The following SHOC1 variants were observed in gnomAD, a reference collection of about 807,000 sequenced individuals.
SHOC1 encodes shortage in chiasmata 1.
SHOC1 carries 136 observed loss-of-function variants against 179.2 expected under a neutral mutation model. The observed-to-expected ratio is 0.76, with a 90% CI of 0.66 to 0.87. The LOEUF (loss-of-function observed/expected upper bound fraction) is 0.87. SHOC1 is among the 40% of genes least tolerant of loss of function. The pLI, the probability that SHOC1 is intolerant of heterozygous loss-of-function variation, is 0.00. For missense variants in SHOC1, 1,538 were observed against 1,700.8 expected (o/e 0.90, Z 1.68); for synonymous variants, 489 against 586.6 (o/e 0.83, Z 2.41).
chr9:111,711,729 T>C (rs1010205074), intron 18 of SHOC1, among the ~76,000 whole-genome samples: 6 of 152,034 alleles, frequency 3.9e-5, no homozygotes, highest in Admixed American at 2.6e-4. Flanking sequence ...ATTCAGAAAA[T>C]AGGAGTGGAA....
In SHOC1 at chr9:111,697,742, T is replaced by C. The variant is rs542447769; in HGVS notation, c.3183+2212A>G. On this transcript the variant is annotated intron_variant, in intron 24 of 27. Coordinates refer to ENST00000682961, the MANE Select transcript of SHOC1 (RefSeq NM_001378211.1). ...TGGCTGGGTCAAATGGTATTTCTAG[T>C]TCTAGATCCTAGAGGAATCGCCACA... Among the ~76,000 whole-genome samples the C allele has an allele frequency of 3.3e-5, 5 of 152,316 alleles. No homozygotes were observed. The South Asian group carries it at 1.0e-3, about 32-fold the overall frequency.
At chr9:111,783,240 ACTCT>A (rs376444581) in intron 3 of SHOC1, 9 of 151,988 alleles carry the variant, frequency 5.9e-5, no homozygotes, top group African/African-American at 1.9e-4. Context: ...ATTCAAATTC[ACTCT>A]CTCACTTTCC....
intron 5 of SHOC1, among the ~76,000 whole-genome samples, chr9:111,766,509 A>G (rs1835366152): frequency 6.6e-6 from 1 of 152,202 alleles, no homozygotes; most frequent in East Asian, 1.9e-4. Flanking sequence ...CAAATGGTGT[A>G]CAAGAGTTCC....
At chr9:111,699,705 TC>T (rs1831873360) in intron 24 of SHOC1, among the ~76,000 whole-genome samples, 1 of 152,200 alleles carries the variant, frequency 6.6e-6, no homozygotes, top group Non-Finnish European at 1.5e-5. Flanking sequence ...TTTATTCATA[TC>T]CTGCTATGTT....
At chr9:111,778,843 A>G (rs2131626464) in intron 4 of SHOC1, among the ~76,000 whole-genome samples, 1 of 151,528 alleles carries the variant, frequency 6.6e-6, no homozygotes, top group African/African-American at 2.4e-5. Flanking sequence ...TCACACCTGT[A>G]ATTCCAGCAC....
intron 14 of SHOC1, among the ~76,000 whole-genome samples, 155 bp downstream of exon 14, chr9:111,723,637 C>T (rs1049674347): frequency 2.0e-5 from 3 of 152,014 alleles, no homozygotes; most frequent in Non-Finnish European, 4.4e-5. Flanking sequence ...CAGGGCATTC[C>T]AGATTGGGAT....
In SHOC1 at chr9:111,686,548, T is replaced by G. The variant is rs1208014649; in HGVS notation, c.*222A>C. 2.6e-6 allele frequency: 1 copy of G among 390,372 alleles called. No individual in the cohort carries two copies. The highest frequency in any genetic ancestry group is 4.7e-6 in the Non-Finnish European group (1 of 211,778). 24.2% of individuals were successfully genotyped at this position (390,372 alleles called of 1,614,324 possible). A position where few individuals can be genotyped will look rare whatever the true frequency, so the allele number is the denominator to read the frequency against. The stretch of plus-strand genomic sequence containing the variant: ...AGGGGTGTCTGGAAGACATTTTGGA[T>G]CTTATGATAATTATTCTGCTAATTG... On this transcript the variant is annotated 3_prime_UTR_variant, in exon 28 of 28. Transcript: ENST00000682961.
chr9:111,746,207 T>A (rs780274132), intron 10 of SHOC1, 27 bp downstream of exon 10: 44 of 1,412,070 alleles, frequency 3.1e-5, no homozygotes, highest in Non-Finnish European at 4.1e-5. Flanking sequence ...AATTGCAACA[T>A]GGGTTCTAGA....
At chr9:111,766,126 C>T (rs988995513) in intron 5 of SHOC1, among the ~76,000 whole-genome samples, 1 of 152,180 alleles carries the variant, frequency 6.6e-6, no homozygotes, top group African/African-American at 2.4e-5. Flanking sequence ...ACTTTTTTAG[C>T]TCCCACATGA....
chr9:111,719,871 A>C (rs1051323028), intron 15 of SHOC1, among the ~76,000 whole-genome samples: 1 of 152,222 alleles, frequency 6.6e-6, no homozygotes, highest in African/African-American at 2.4e-5. Context: ...AAGAGAGTTA[A>C]CCTTTAAAAA....
chr9:111,686,939 C>CTTTTTTTTTTTTTTTTTTTTTTT (rs10537471), intron 27 of SHOC1, 69 bp from the exon 28 acceptor site: 2 of 498,932 alleles, frequency 4.0e-6, no homozygotes, highest in Non-Finnish European at 6.3e-6. Context: ...TTTTCTTTTC[C>CTTTTTTTTTTTTTTTTTTTTTTT]TTTTTTTTTT....
At chr9:111,709,339 A>C (rs985126033) in intron 18 of SHOC1, among the ~76,000 whole-genome samples, 3 of 152,206 alleles carry the variant, frequency 2.0e-5, no homozygotes, top group African/African-American at 7.2e-5. Context: ...TGAAACTCAA[A>C]AAAACAAAAC....
At chr9:111,712,603 A>G (rs1832603564) in intron 18 of SHOC1, among the ~76,000 whole-genome samples, 1 of 152,218 alleles carries the variant, frequency 6.6e-6, no homozygotes, top group Non-Finnish European at 1.5e-5. Flanking sequence ...AAGGGTTGAC[A>G]GAAGGGGCAG....
chr9:111,785,733 C>CT, intron 3 of SHOC1, among the ~76,000 whole-genome samples, 179 bp downstream of exon 3: 1 of 152,196 alleles, frequency 6.6e-6, no homozygotes, highest in East Asian at 1.9e-4. Flanking sequence ...TTTCCAATTC[C>CT]TTATTTAGTT....
At chr9:111,794,068 T>C (rs1564175139) in intron 1 of SHOC1, among the ~76,000 whole-genome samples, 1 of 150,660 alleles carries the variant, frequency 6.6e-6, no homozygotes, top group African/African-American at 2.4e-5. Flanking sequence ...GCCAGGCTGA[T>C]TTCGAACTCC....
chr9:111,768,640 A>G (rs1835447272), intron 5 of SHOC1, among the ~76,000 whole-genome samples: 1 of 152,140 alleles, frequency 6.6e-6, no homozygotes, highest in Admixed American at 6.5e-5. Context: ...AAGGGGTAAC[A>G]TGTGTTACAT....
At chr9:111,709,324 A>G (rs1832426690) in intron 18 of SHOC1, among the ~76,000 whole-genome samples, 2 of 152,258 alleles carry the variant, frequency 1.3e-5, no homozygotes, top group African/African-American at 4.8e-5. Context: ...CCTGGGCAAC[A>G]AGAGTGAAAC....
rs537530789 is a variant in SHOC1, at chr9:111,740,868, G to A, written c.1174+608C>T. Among the ~76,000 whole-genome samples the A allele has an allele frequency of 1.4e-4, 22 of 152,188 alleles. No individual in the cohort carries two copies. The South Asian group carries it at 1.7e-3, about 11-fold the overall frequency. On this transcript the variant is annotated intron_variant, in intron 11 of 27. Transcript: ENST00000682961. ...ATTACAAGTGTGAGCCACGGTGCCC[G>A]GCCATTTTTTTTGTTTTGTTTGTTT...
chr9:111,751,680 A>T (rs1205745297), intron 8 of SHOC1, among the ~76,000 whole-genome samples: 2 of 152,202 alleles, frequency 1.3e-5, no homozygotes, highest in Non-Finnish European at 2.9e-5. Flanking sequence ...AGCTTTAATT[A>T]GATTAGCCTA....
Sources: allele counts gnomAD v4.1 joint callset (sites outside exome capture counted in the v4.1 genomes callset), GRCh38; gene constraint gnomAD v4.1.1; transcripts MANE v1.5; gene names NCBI Gene and HGNC (gene_info 2026-07-23, HGNC 2026-07-21).